The following PIGL variants were observed in gnomAD, a reference collection of about 807,000 sequenced individuals.
PIGL encodes N-acetylglucosaminyl-phosphatidylinositol de-N-acetylase.
PIGL carries 22 observed loss-of-function variants against 31.1 expected under a neutral mutation model. The ratio of observed to expected loss-of-function variants is 0.71; its 90% CI spans 0.51 to 1.01. The LOEUF (loss-of-function observed/expected upper bound fraction) is 1.01. PIGL is among the 50% of genes least tolerant of loss of function. The pLI, the probability that PIGL is intolerant of heterozygous loss-of-function variation, is 0.00. For missense variants in PIGL, 302 were observed against 315.9 expected (o/e 0.96, Z 0.33); for synonymous variants, 131 against 117.4 (o/e 1.12, Z -0.75).
chr17:16,312,726 C>T (rs1012793640), intron 3 of PIGL: 1 of 161,332 alleles, frequency 6.2e-6, no homozygotes, highest in Non-Finnish European at 1.3e-5. Flanking sequence ...GGAGACCAGC[C>T]CGGCCAACAC....
In PIGL at chr17:16,235,176, A is replaced by G. The variant is rs557753578; in HGVS notation, c.335+1106A>G. Among the ~76,000 whole-genome samples, 7 of 152,320 alleles carry G rather than the reference A, an allele frequency of 4.6e-5. No homozygotes were observed. In the South Asian group the frequency reaches 1.4e-3, roughly 32 times the overall value. ...ATTATCATTACATCTAACAATATTA[A>G]CAATAACAGTAATTCTTTGGTGTCC... On this transcript the variant is annotated intron_variant, in intron 2 of 6. Coordinates refer to ENST00000225609, the MANE Select transcript of PIGL (RefSeq NM_004278.4).
At chr17:16,293,523 G>A (rs559331766) in intron 2 of PIGL, among the ~76,000 whole-genome samples, 1 of 152,200 alleles carries the variant, frequency 6.6e-6, no homozygotes, top group East Asian at 1.9e-4. Flanking sequence ...AGGAGACTCC[G>A]TCTCAAAAAA....
At chr17:16,239,898 G>A (rs145246779) in intron 2 of PIGL, among the ~76,000 whole-genome samples, 1 of 152,182 alleles carries the variant, frequency 6.6e-6, no homozygotes, top group East Asian at 1.9e-4. Flanking sequence ...GGGACTACAG[G>A]TGTGGGCCAC....
At chr17:16,235,983 A>T (rs970465591) in intron 2 of PIGL, among the ~76,000 whole-genome samples, 1 of 152,106 alleles carries the variant, frequency 6.6e-6, no homozygotes, top group African/African-American at 2.4e-5. Flanking sequence ...TATTGCCTGA[A>T]TCATTAATTA....
chr17:16,241,746 G>A (rs975886848), intron 2 of PIGL, among the ~76,000 whole-genome samples: 1 of 151,998 alleles, frequency 6.6e-6, no homozygotes, highest in Non-Finnish European at 1.5e-5. Context: ...AGAATTATCT[G>A]CTCAGTATTA....
chr17:16,298,926 G>T (rs2092993473), intron 2 of PIGL, among the ~76,000 whole-genome samples: 1 of 151,902 alleles, frequency 6.6e-6, no homozygotes, highest in Non-Finnish European at 1.5e-5. Context: ...TACTTGGGAG[G>T]CTGAGCAGGA....
chr17:16,254,664 G>A (rs1422645782), intron 2 of PIGL, among the ~76,000 whole-genome samples: 2 of 151,876 alleles, frequency 1.3e-5, no homozygotes, highest in African/African-American at 2.4e-5. Context: ...GAATGCAGTG[G>A]CGCTATCTCG....
At chr17:16,289,263 A>T (rs1183581701) in intron 2 of PIGL, among the ~76,000 whole-genome samples, 1 of 152,200 alleles carries the variant, frequency 6.6e-6, no homozygotes, top group Non-Finnish European at 1.5e-5. Context: ...GGTGAGATAA[A>T]CCCTATGGAC....
intron 2 of PIGL, among the ~76,000 whole-genome samples, chr17:16,278,173 A>G (rs2092903299): frequency 6.6e-6 from 1 of 151,946 alleles, no homozygotes; most frequent in Non-Finnish European, 1.5e-5. Flanking sequence ...CTTCTGCCTC[A>G]GTCTACCGAG....
At chr17:16,312,498 T>G (rs1200248556) in intron 3 of PIGL, 11 of 159,438 alleles carry the variant, frequency 6.9e-5, no homozygotes, top group African/African-American at 2.0e-4. Flanking sequence ...GCAGAGACGC[T>G]CCTCACTTCC....
At chr17:16,257,042 A>C (rs1281102013) in intron 2 of PIGL, among the ~76,000 whole-genome samples, 1 of 152,252 alleles carries the variant, frequency 6.6e-6, no homozygotes, top group East Asian at 1.9e-4. Context: ...TCGAGGCCGC[A>C]ATGAGCCATG....
rs60211353 is a variant in PIGL at position 16,267,712 on chromosome 17, A to G, written c.336-32176A>G. Among the ~76,000 whole-genome samples, 1,195 of 137,354 alleles carry G rather than the reference A, an allele frequency of 8.7e-3. 27 individuals are homozygous for G. Among genetic ancestry groups the G allele is most frequent in the African/African-American group, 0.039 (1,154 of 29,656 alleles). 90.1% of individuals were successfully genotyped at this position (137,354 alleles called of 152,430 possible). A position where few individuals can be genotyped will look rare whatever the true frequency, so the allele number is the denominator to read the frequency against. ...TCCATATCAAAAAAAAGAAAAAAAG[A>G]AAAAAAAAAGAAAAGGAAAGAAATT... On this transcript the variant is annotated intron_variant, in intron 2 of 6. Coordinates refer to ENST00000225609, the MANE Select transcript of PIGL (RefSeq NM_004278.4).
At chr17:16,325,275 G>A (rs546293330) in intron 6 of PIGL, among the ~76,000 whole-genome samples, 491 of 147,678 alleles carry the variant, frequency 3.3e-3, no homozygotes, top group Middle Eastern at 3.8e-3. Flanking sequence ...AACCCAGGAG[G>A]CAGAGCTTGC....
chr17:16,234,825 T>C (rs1250254075), intron 2 of PIGL, among the ~76,000 whole-genome samples: 1 of 152,202 alleles, frequency 6.6e-6, no homozygotes, highest in Non-Finnish European at 1.5e-5. Context: ...TTGAAATAAA[T>C]TTTTTAACTT....
intron 2 of PIGL, among the ~76,000 whole-genome samples, chr17:16,264,528 A>C (rs1568807553): frequency 6.6e-6 from 1 of 152,064 alleles, no homozygotes; most frequent in African/African-American, 2.4e-5. Context: ...CCTCACCTAG[A>C]ATGTCCTCAC....
intron 3 of PIGL, among the ~76,000 whole-genome samples, chr17:16,306,098 G>A (rs930125388): frequency 2.6e-5 from 4 of 152,146 alleles, no homozygotes; most frequent in African/African-American, 4.8e-5. Context: ...ACAGGCACGC[G>A]CCACCATGCC....
chr17:16,318,038 A>G (rs2093086008), intron 6 of PIGL, 130 bp downstream of exon 6: 1 of 722,274 alleles, frequency 1.4e-6, no homozygotes, highest in African/African-American at 1.8e-5. Context: ...GTCCCTGAGA[A>G]TTAGGGCTAG....
chr17:16,290,768 C>A (rs905862747), intron 2 of PIGL, among the ~76,000 whole-genome samples: 4 of 151,888 alleles, frequency 2.6e-5, no homozygotes, highest in Non-Finnish European at 5.9e-5. Flanking sequence ...GGAGCCTTAA[C>A]CTCTGGGGCT....
intron 3 of PIGL, among the ~76,000 whole-genome samples, chr17:16,303,099 AAG>A (rs375309249): frequency 6.0e-4 from 92 of 152,214 alleles, no homozygotes; most frequent in South Asian, 5.6e-3. Context: ...TTGCTTTCAG[AAG>A]AGTCTCCCAT....
Sources: allele counts gnomAD v4.1 joint callset (sites outside exome capture counted in the v4.1 genomes callset), GRCh38; gene constraint gnomAD v4.1.1; transcripts MANE v1.5; gene names NCBI Gene and HGNC (gene_info 2026-07-23, HGNC 2026-07-21).